DOK6: variants seen among roughly 807,000 people sequenced by gnomAD.
The protein encoded by DOK6 is downstream of tyrosine kinase 6.
In DOK6, 22 loss-of-function variants were observed where a neutral mutation model predicts 44.0. The observed-to-expected ratio is 0.50, with a 90% CI of 0.36 to 0.71. The LOEUF (loss-of-function observed/expected upper bound fraction) is 0.71, where lower values mean the gene tolerates loss of function less well. DOK6 is among the 30% of genes least tolerant of loss of function. The pLI, the probability that DOK6 is intolerant of heterozygous loss-of-function variation, is 0.00. For synonymous variants in DOK6, 166 were observed against 145.5 expected (o/e 1.14, Z -1.01); for missense variants, 340 against 416.4 (o/e 0.82, Z 1.60).
At chr18:69,757,295 A>G (rs1979387802) in intron 6 of DOK6, among the ~76,000 whole-genome samples, 1 of 152,192 alleles carries the variant, frequency 6.6e-6, no homozygotes, top group Non-Finnish European at 1.5e-5. Context: ...GGTAAAAAAA[A>G]ATAATAACGG....
rs145558173 is a variant in DOK6 at position 69,449,646 on chromosome 18, A to G, written c.66+48336A>G. Among the ~76,000 whole-genome samples, 989 of 152,322 alleles carry G rather than the reference A, an allele frequency of 6.5e-3. 11 individuals carry two copies. Among genetic ancestry groups the G allele is most frequent in the African/African-American group, 0.022 (901 of 41,568 alleles). ...AAAAAGACAGCAGGAACCTCTGCAG[A>G]CCTAAATGTCCCTGTCTGACAGCTT... On this transcript the variant is annotated intron_variant, in intron 1 of 7. Coordinates refer to ENST00000382713, the MANE Select transcript of DOK6 (RefSeq NM_152721.6).
intron 1 of DOK6, among the ~76,000 whole-genome samples, chr18:69,452,574 A>T (rs1197656412): frequency 7.1e-6 from 1 of 141,164 alleles, no homozygotes; most frequent in East Asian, 2.2e-4. Flanking sequence ...GGCCAGCATC[A>T]TTCTGATACC....
intron 6 of DOK6, among the ~76,000 whole-genome samples, chr18:69,740,963 G>T (rs567580661): frequency 1.3e-5 from 2 of 152,324 alleles, no homozygotes; most frequent in South Asian, 4.1e-4. Flanking sequence ...TGATGTTGTT[G>T]TATGTTTCTC....
intron 1 of DOK6, among the ~76,000 whole-genome samples, chr18:69,442,311 G>A (rs1028916035): frequency 6.6e-6 from 1 of 152,112 alleles, no homozygotes. Context: ...ACCCAAGACT[G>A]AGTAATTTAT....
At chr18:69,407,436 G>C (rs1454996355) in intron 1 of DOK6, among the ~76,000 whole-genome samples, 1 of 152,054 alleles carries the variant, frequency 6.6e-6, no homozygotes, top group East Asian at 1.9e-4. Context: ...TTTAGCCTCG[G>C]TTTTATTACT....
At chr18:69,463,763 G>C (rs4243309) in intron 1 of DOK6, among the ~76,000 whole-genome samples, 75,341 of 151,740 alleles carry the variant, frequency 0.5, 19,627 homozygotes, top group East Asian at 0.72. Context: ...GTGTGTGTCT[G>C]TGTGCATGTG....
chr18:69,599,339 A>G (rs759981307), intron 2 of DOK6, 45 bp from the exon 3 acceptor site: 2 of 1,369,100 alleles, frequency 1.5e-6, no homozygotes, highest in East Asian at 2.4e-5. Context: ...TCCAACATAC[A>G]GCATACATAC....
chr18:69,444,440 T>C (rs777567056), intron 1 of DOK6, among the ~76,000 whole-genome samples: 2 of 152,162 alleles, frequency 1.3e-5, no homozygotes, highest in Non-Finnish European at 2.9e-5. Context: ...CAAGAATGCA[T>C]TTCCCAACCA....
chr18:69,635,304 T>A (rs1178467872), intron 3 of DOK6, among the ~76,000 whole-genome samples: 1 of 152,180 alleles, frequency 6.6e-6, no homozygotes, highest in Non-Finnish European at 1.5e-5. Context: ...ATGGATTGGC[T>A]TGAGGCACAG....
At chr18:69,721,449 A>T (rs1978288598) in intron 5 of DOK6, 1 of 152,244 alleles carries the variant, frequency 6.6e-6, no homozygotes, top group Admixed American at 6.5e-5. Flanking sequence ...AAATTTCCAT[A>T]AAAATATGCT....
At chr18:69,433,442 G>A (rs1166235998) in intron 1 of DOK6, among the ~76,000 whole-genome samples, 5 of 152,228 alleles carry the variant, frequency 3.3e-5, no homozygotes, top group Non-Finnish European at 5.9e-5. Flanking sequence ...TTTAAAAATT[G>A]TATCAAATTT....
intron 3 of DOK6, chr18:69,661,908 T>G (rs775850296): frequency 6.6e-6 from 1 of 152,214 alleles, no homozygotes; most frequent in Non-Finnish European, 1.5e-5. Flanking sequence ...TACCCAGGTG[T>G]GTCCACTCTG....
chr18:69,507,162 A>C (rs754822139), intron 1 of DOK6, among the ~76,000 whole-genome samples: 3 of 151,930 alleles, frequency 2.0e-5, no homozygotes, highest in Non-Finnish European at 4.4e-5. Context: ...CAAGTAGCTG[A>C]GACTACAGGC....
At chr18:69,709,227 C>A (rs1467198137) in intron 5 of DOK6, among the ~76,000 whole-genome samples, 1 of 152,188 alleles carries the variant, frequency 6.6e-6, no homozygotes, top group Non-Finnish European at 1.5e-5. Context: ...ATTAGCCTCA[C>A]AACTTGTGAG....
intron 1 of DOK6, among the ~76,000 whole-genome samples, chr18:69,468,273 A>C (rs551311013): frequency 1.3e-5 from 2 of 152,310 alleles, no homozygotes; most frequent in South Asian, 2.1e-4. Context: ...GAAACATGTC[A>C]CTGAGCAGAT....
At chr18:69,403,423 CA>C (rs955188037) in intron 1 of DOK6, among the ~76,000 whole-genome samples, 4 of 152,162 alleles carry the variant, frequency 2.6e-5, no homozygotes, top group African/African-American at 9.7e-5. Flanking sequence ...ACGATGTGTG[CA>C]AATGTATATT....
chr18:69,762,642 T>A (rs907002511), intron 7 of DOK6, among the ~76,000 whole-genome samples: 2 of 152,184 alleles, frequency 1.3e-5, no homozygotes, highest in African/African-American at 2.4e-5. Context: ...CAGAAAACTT[T>A]CATATATTTA....
At chr18:69,503,595 A>G (rs1981104308) in intron 1 of DOK6, among the ~76,000 whole-genome samples, 1 of 152,280 alleles carries the variant, frequency 6.6e-6, no homozygotes, top group East Asian at 1.9e-4. Flanking sequence ...CAGTAAAATT[A>G]CTAAACAATG....
intron 1 of DOK6, among the ~76,000 whole-genome samples, chr18:69,451,077 A>C (rs1487081379): frequency 1.2e-4 from 18 of 148,250 alleles, no homozygotes; most frequent in African/African-American, 3.2e-4. Context: ...CTTTAAATGT[A>C]AATGGACTAA....
Sources: allele counts gnomAD v4.1 joint callset (sites outside exome capture counted in the v4.1 genomes callset), GRCh38; gene constraint gnomAD v4.1.1; transcripts MANE v1.5; gene names NCBI Gene and HGNC (gene_info 2026-07-23, HGNC 2026-07-21).